Variants in DNAJA1 observed in about 807,000 individuals in gnomAD.
DNAJA1 encodes the protein dnaJ homolog subfamily A member 1.
DNAJA1 carries 26 observed loss-of-function variants against 47.6 expected under a neutral mutation model. That is an observed-to-expected ratio of 0.55 (90% CI 0.40 to 0.76). The LOEUF is 0.76. DNAJA1 is among the 30% of genes least tolerant of loss of function. The pLI, the probability that DNAJA1 is intolerant of heterozygous loss-of-function variation, is 0.00. For missense variants in DNAJA1, 315 were observed against 485.0 expected (o/e 0.65, Z 3.29); for synonymous variants, 165 against 158.4 (o/e 1.04, Z -0.31).
At chr9:33,033,101 G>C (rs369966110) in intron 5 of DNAJA1, among the ~76,000 whole-genome samples, 6 of 151,296 alleles carry the variant, frequency 4.0e-5, no homozygotes, top group South Asian at 2.1e-4. Flanking sequence ...TCTAAGAGAC[G>C]TTGCCCAAAC....
At chr9:33,035,495 G>GT (rs1564014439) in intron 6 of DNAJA1, among the ~76,000 whole-genome samples, 1 of 152,010 alleles carries the variant, frequency 6.6e-6, no homozygotes, top group African/African-American at 2.4e-5. Context: ...TTGAGATGCA[G>GT]TTTCGCTCAA....
At chr9:33,028,500 T>G (rs79488152) in intron 3 of DNAJA1, among the ~76,000 whole-genome samples, 6,162 of 152,310 alleles carry the variant, frequency 0.04, 192 homozygotes, top group East Asian at 0.13. Flanking sequence ...TTTGGGAAAT[T>G]GTTTATTCAG....
chr9:33,025,429 A>G (rs1465779716), intron 1 of DNAJA1, 46 bp downstream of exon 1: 1 of 152,454 alleles, frequency 6.6e-6, no homozygotes, highest in African/African-American at 2.4e-5. Flanking sequence ...GGCTGGCGCC[A>G]TTGGCGCCGG....
chr9:33,030,228 C>CT (rs1488667504), intron 4 of DNAJA1, among the ~76,000 whole-genome samples: 3 of 144,350 alleles, frequency 2.1e-5, no homozygotes, highest in African/African-American at 7.6e-5. Flanking sequence ...AGTTTGGTAT[C>CT]TTTTTTGTAA....
chr9:33,028,052 A>G (rs933391101), intron 3 of DNAJA1, among the ~76,000 whole-genome samples: 6 of 145,146 alleles, frequency 4.1e-5, no homozygotes, highest in Non-Finnish European at 9.1e-5. Flanking sequence ...AAAAAAAAAG[A>G]CAAAGTATAT....
intron 3 of DNAJA1, among the ~76,000 whole-genome samples, chr9:33,029,164 G>A (rs971640929): frequency 1.3e-5 from 2 of 152,146 alleles, no homozygotes; most frequent in African/African-American, 4.8e-5. Context: ...ACAAAAATAC[G>A]GTTTCTTAGT....
chr9:33,033,972 C>T (rs1355278594), intron 5 of DNAJA1, among the ~76,000 whole-genome samples: 5 of 152,108 alleles, frequency 3.3e-5, no homozygotes, highest in Admixed American at 2.0e-4. Context: ...AGCTTACTTC[C>T]CCAGGGTAAT....
Position 33,039,720 on chromosome 9 carries a change from C to T in DNAJA1, c.*817C>T, listed in dbSNP as rs1200756873. ...AGGAAGGTGTTCTTTAGGTATGTTA[C>T]AGGATTACTTTAAACCATTTGACTT... is the stretch of plus-strand genomic sequence containing the variant. On this transcript the variant is annotated 3_prime_UTR_variant, in exon 9 of 9. Transcript: ENST00000330899. The T allele has an allele frequency of 6.6e-6, 1 of 151,684 alleles. No individual in the cohort carries two copies. The allele number at this position is 151,684 out of a possible 1,614,324, so 9.4% of individuals were successfully genotyped here.
chr9:33,037,715 A>G (rs958473053), intron 8 of DNAJA1, among the ~76,000 whole-genome samples: 3 of 152,070 alleles, frequency 2.0e-5, no homozygotes, highest in Non-Finnish European at 4.4e-5. Context: ...CCTAATAACT[A>G]CTTCTGTCAT....
chr9:33,026,893 A>G lies in DNAJA1; in HGVS notation c.213A>G (p.Ala71=), dbSNP rs202073434. Reference sequence around the variant, plus strand: ...TATATGACAAAGGAGGAGAACAGGCAATTAAAGAGGGTGGAGCAGGTGGCG... The same window carrying G: ...TATATGACAAAGGAGGAGAACAGGCGATTAAAGAGGGTGGAGCAGGTGGCG... ...RELYDKGGEQ[A]IKEGGAGGGF... The change falls in exon 3 of 9, where the codon GCA becomes GCG. Residue 71 remains alanine, a synonymous_variant. Coordinates refer to ENST00000330899, the MANE Select transcript of DNAJA1 (RefSeq NM_001539.4). 1.8e-5 allele frequency: 29 copies of G among 1,614,200 alleles called. No individual in the cohort carries two copies. The highest frequency in any genetic ancestry group is 2.4e-5 in the Non-Finnish European group (28 of 1,180,034).
intron 3 of DNAJA1, 26 bp from the exon 4 acceptor site, chr9:33,029,859 T>C: frequency 6.4e-7 from 1 of 1,565,184 alleles, no homozygotes. Flanking sequence ...TTAAACAGAT[T>C]TGCAATGAGA....
intron 5 of DNAJA1, among the ~76,000 whole-genome samples, chr9:33,031,197 A>G (rs552638249): frequency 1.1e-4 from 16 of 152,306 alleles, no homozygotes; most frequent in African/African-American, 3.8e-4. Flanking sequence ...CCCGGGTTCA[A>G]GCAGTTCTTC....
In DNAJA1 at chr9:33,030,130, T is replaced by C. The variant is rs1838937731; in HGVS notation, c.415+141T>C. On this transcript the variant is annotated intron_variant, in intron 4 of 8. Coordinates refer to ENST00000330899, the MANE Select transcript of DNAJA1 (RefSeq NM_001539.4). ...AGATTTTGGGGGAGGAGAGGGCAGA[T>C]ATGAAGAAAACCAACTGAAAACCTC... 4 of 814,506 alleles carry C rather than the reference T, an allele frequency of 4.9e-6. No individual in the cohort carries two copies. The African/African-American group carries it at 5.2e-5, about 11-fold the overall frequency. The allele number at this position is 814,506 out of a possible 1,614,324, so 50.5% of individuals were successfully genotyped here. A position where few individuals can be genotyped will look rare whatever the true frequency, so the allele number is the denominator to read the frequency against.
chr9:33,031,510 T>C, intron 5 of DNAJA1, among the ~76,000 whole-genome samples: 1 of 151,966 alleles, frequency 6.6e-6, no homozygotes, highest in East Asian at 1.9e-4. Context: ...TGGCTCACTC[T>C]AACCTCTGCC....
At chr9:33,032,010 T>A (rs1404543921) in intron 5 of DNAJA1, among the ~76,000 whole-genome samples, 2 of 152,264 alleles carry the variant, frequency 1.3e-5, no homozygotes, top group East Asian at 3.8e-4. Context: ...TTTTAAGAAA[T>A]GTATATAACC....
chr9:33,039,016 T>G lies in DNAJA1; in HGVS notation c.*113T>G. 9.5e-7 allele frequency: 1 copy of G among 1,051,998 alleles called. No homozygotes were observed. The highest frequency in any genetic ancestry group is 1.4e-6 in the Non-Finnish European group (1 of 732,940). 65.2% of individuals were successfully genotyped at this position (1,051,998 alleles called of 1,614,324 possible). On this transcript the variant is annotated 3_prime_UTR_variant, in exon 9 of 9. Coordinates refer to ENST00000330899, the MANE Select transcript of DNAJA1 (RefSeq NM_001539.4). ...CTCTTGTTTTTGTTTTAATAAACTA[T>G]AGTAGTGTTTTAAAAAGTTAAATGA...
intron 3 of DNAJA1, among the ~76,000 whole-genome samples, chr9:33,028,272 G>C (rs1838906873): frequency 6.6e-6 from 1 of 152,140 alleles, no homozygotes; most frequent in African/African-American, 2.4e-5. Flanking sequence ...TCTTGTTTCA[G>C]CTTTATTGTG....
At chr9:33,033,165 TAA>T (rs781752458) in intron 5 of DNAJA1, among the ~76,000 whole-genome samples, 25 of 137,678 alleles carry the variant, frequency 1.8e-4, no homozygotes, top group Non-Finnish European at 1.6e-4. Flanking sequence ...AGTCTCAGTT[TAA>T]AAAAAAAAAA....
intron 3 of DNAJA1, among the ~76,000 whole-genome samples, chr9:33,028,466 T>C (rs1056333777): frequency 6.6e-6 from 1 of 152,248 alleles, no homozygotes; most frequent in Non-Finnish European, 1.5e-5. Context: ...AATTTCACTT[T>C]GAGCTTCTTA....
Sources: gnomAD v4.1 joint callset for allele counts (sites outside exome capture counted in the v4.1 genomes callset) on GRCh38, gnomAD v4.1.1 for gene constraint, MANE v1.5 for transcripts, NCBI Gene and HGNC (gene_info 2026-07-23, HGNC 2026-07-21) for gene names.